Variants in RNF166 observed in about 807,000 individuals in gnomAD.
The protein encoded by RNF166 is E3 ubiquitin-protein ligase RNF166.
RNF166 carries 19 observed loss-of-function variants against 29.4 expected under a neutral mutation model. The ratio of observed to expected loss-of-function variants is 0.65; its 90% confidence interval spans 0.45 to 0.95. The LOEUF (loss-of-function observed/expected upper bound fraction) is 0.95, where lower values mean the gene tolerates loss of function less well. Ranked by LOEUF, RNF166 falls within the 40% of genes least tolerant of loss-of-function variation. The pLI is 0.00. For synonymous variants in RNF166, 171 were observed against 134.5 expected (o/e 1.27, Z -1.88); for missense variants, 347 against 322.1 (o/e 1.08, Z -0.59).
At chr16:88,703,524 G>C (rs1339630126) in intron 1 of RNF166, 1 of 985,422 alleles carries the variant, frequency 1.0e-6, no homozygotes, top group Non-Finnish European at 1.2e-6. Context: ...CCGAGGAGCA[G>C]GAGGCAGAAC....
rs745558325 is a variant in RNF166 at position 88,701,314 on chromosome 16, A to G, written c.260T>C (p.Val87Ala). ...DPKKVDKATHVEKQLSSYKAP... is the reference protein window; with the variant it reads ...DPKKVDKATHAEKQLSSYKAP... Reference sequence around the variant, plus strand: ...TTTGTAGGATGAGAGCTGCTTCTCCACGTGGGTGGCCTTGTCCACCTTCTT... The same window carrying G: ...TTTGTAGGATGAGAGCTGCTTCTCCGCGTGGGTGGCCTTGTCCACCTTCTT... Residue 87 changes from valine to alanine, a missense_variant, in exon 2 of 6, where the codon GTG (valine) becomes GCG (alanine). Transcript: ENST00000312838. 1.9e-6 allele frequency: 3 copies of G among 1,613,700 alleles called. No homozygotes were observed. Among genetic ancestry groups the G allele is most frequent in the Non-Finnish European group, 2.5e-6 (3 of 1,179,938 alleles).
intron 2 of RNF166, 64 bp from the exon 3 acceptor site, chr16:88,699,796 C>A: frequency 8.1e-7 from 1 of 1,235,810 alleles, no homozygotes; most frequent in South Asian, 1.3e-5. Flanking sequence ...CCTGGGGAGG[C>A]CGAGACCTCA....
intron 2 of RNF166, 45 bp downstream of exon 2, chr16:88,701,217 C>G: frequency 6.2e-7 from 1 of 1,610,772 alleles, no homozygotes. Flanking sequence ...CTGAGGCTGC[C>G]CATCAAGTGA....
chr16:88,703,133 ACG>A (rs746496804), intron 1 of RNF166: 1 of 985,544 alleles, frequency 1.0e-6, no homozygotes. Flanking sequence ...GGGTCCACTC[ACG>A]CTCAACGTCC....
intron 1 of RNF166, chr16:88,702,724 G>T: frequency 1.0e-6 from 1 of 985,442 alleles, no homozygotes; most frequent in Non-Finnish European, 1.2e-6. Context: ...CCGTCAGAAA[G>T]TGAACAAGCC....
chr16:88,699,221 C>A, intron 3 of RNF166, 136 bp from the exon 4 acceptor site: 1 of 703,704 alleles, frequency 1.4e-6, no homozygotes, highest in Admixed American at 2.1e-5. Flanking sequence ...TGGGTGCCCC[C>A]CGTGCCTCTG....
In RNF166 at chr16:88,696,671, A is replaced by G. The variant is rs1194655713; in HGVS notation, c.*897T>C. The G allele has an allele frequency of 2.3e-6, 1 of 438,530 alleles. No individual in the cohort carries two copies. The highest frequency in any genetic ancestry group is 2.1e-5 in the African/African-American group (1 of 48,482). The allele number at this position is 438,530 out of a possible 1,614,324, so 27.2% of individuals were successfully genotyped here. ...GCCGTCCCCTCCCGCAGCGGGGCAC[A>G]GTCAGCTTTGAAGGTGACAGCGGGC... On this transcript the variant is annotated 3_prime_UTR_variant, in exon 6 of 6. Coordinates refer to ENST00000312838, the MANE Select transcript of RNF166 (RefSeq NM_178841.4).
At chr16:88,702,358 G>A (rs2142659435) in intron 1 of RNF166, among the ~76,000 whole-genome samples, 1 of 152,324 alleles carries the variant, frequency 6.6e-6, no homozygotes, top group South Asian at 2.1e-4. Context: ...TCCCAGGAAG[G>A]CTACAGCACC....
chr16:88,703,277 G>T (rs866812770), intron 1 of RNF166: 113 of 984,618 alleles, frequency 1.1e-4, no homozygotes, highest in Middle Eastern at 1.0e-3. Context: ...CAAACACACT[G>T]GAAACGACTG....
intron 1 of RNF166, chr16:88,703,187 G>C (rs960796863): frequency 1.0e-6 from 1 of 978,740 alleles, no homozygotes; most frequent in African/African-American, 1.8e-5. Context: ...ACGGGTGGGT[G>C]CCAGGCGAGG....
At chr16:88,702,857 C>T (rs777098190) in intron 1 of RNF166, 78 of 985,386 alleles carry the variant, frequency 7.9e-5, no homozygotes, top group South Asian at 9.4e-5. Context: ...CCGGGGGGGC[C>T]GCCTACTTCA....
chr16:88,698,513 C>G lies in RNF166; in HGVS notation c.637G>C (p.Asp213His), dbSNP rs1909865163. Residue 213 changes from aspartate (D) to histidine (H), a missense_variant, in exon 5 of 6, where the codon GAC becomes CAC. Asp to His is a moderately conservative substitution (Grantham distance 81). Transcript: ENST00000312838. ...GGCGGGATGCCTACCACAAAGGTGT[C>G]GTAGGAGAACTTGTGTCGGTGAAGC... ...HLLHRHKFSY[D>H]TFVDYSIDEE... The G allele has an allele frequency of 6.4e-7, 1 of 1,567,684 alleles. No homozygotes were observed. Among genetic ancestry groups the G allele is most frequent in the Non-Finnish European group, 8.7e-7 (1 of 1,155,742 alleles).
intron 1 of RNF166, among the ~76,000 whole-genome samples, chr16:88,702,483 G>C (rs1405163980): frequency 6.6e-6 from 1 of 152,186 alleles, no homozygotes; most frequent in African/African-American, 2.4e-5. Flanking sequence ...CTGAATTCAG[G>C]GCCAGAGTCC....
In RNF166 at chr16:88,702,227, C is replaced by A. The variant is rs925114529; in HGVS notation, c.156-809G>T. On this transcript the variant is annotated intron_variant, in intron 1 of 5. Coordinates refer to ENST00000312838, the MANE Select transcript of RNF166 (RefSeq NM_178841.4). ...CCAGTGGGAGCACCAGGCGCGAGAG[C>A]CCCCAGTGCAAACACAGAGAAGGAG... is the stretch of plus-strand genomic sequence containing the variant. Among the ~76,000 whole-genome samples, 5 of 152,088 alleles carry A rather than the reference C, an allele frequency of 3.3e-5. No homozygotes were observed. In the East Asian group the frequency reaches 7.7e-4, roughly 23 times the overall value.
chr16:88,704,846 C>T lies in RNF166; in HGVS notation c.155+1325G>A, dbSNP rs576508070. On this transcript the variant is annotated intron_variant, in intron 1 of 5. Coordinates refer to ENST00000312838, the MANE Select transcript of RNF166 (RefSeq NM_178841.4). ...GTCTACTAAAAATACAGCAATTAGC[C>T]GGGCGTGGTGGCGGGTGCCTGTAAT... Among the ~76,000 whole-genome samples, 19 of 152,240 alleles carry T rather than the reference C, an allele frequency of 1.2e-4. No homozygotes were observed. In the South Asian group the frequency reaches 1.5e-3, roughly 12 times the overall value.
chr16:88,697,847 G>A, intron 5 of RNF166: 1 of 537,446 alleles, frequency 1.9e-6, no homozygotes, highest in East Asian at 3.1e-5. Flanking sequence ...CTGGGTACGG[G>A]GGCACTCGGA....
intron 2 of RNF166, chr16:88,700,668 G>T (rs1910125995): frequency 1.0e-6 from 1 of 986,836 alleles, no homozygotes; most frequent in Non-Finnish European, 1.2e-6. Context: ...GGCGCTGGCT[G>T]GGGCCTCTCC....
intron 1 of RNF166, chr16:88,703,911 G>A (rs905552462): frequency 3.0e-6 from 3 of 985,438 alleles, no homozygotes; most frequent in Non-Finnish European, 3.6e-6. Flanking sequence ...TGCACGAGTG[G>A]AGGCTGCTCA....
chr16:88,703,414 G>T, intron 1 of RNF166: 1 of 985,528 alleles, frequency 1.0e-6, no homozygotes, highest in Non-Finnish European at 1.2e-6. Flanking sequence ...GAGGAAAGGT[G>T]CCCAGAAGGT....
Sources: gnomAD v4.1 joint callset for allele counts (sites outside exome capture counted in the v4.1 genomes callset) on GRCh38, gnomAD v4.1.1 for gene constraint, MANE v1.5 for transcripts, NCBI Gene and HGNC (gene_info 2026-07-23, HGNC 2026-07-21) for gene names.